Variants in SUPV3L1 observed in about 807,000 individuals in gnomAD.
SUPV3L1 encodes Suv3 like RNA helicase.
A neutral mutation model predicts 70.0 loss-of-function variants in SUPV3L1; 35 were observed. That is an observed-to-expected ratio of 0.50 (90% CI 0.38 to 0.66). The LOEUF (loss-of-function observed/expected upper bound fraction) is 0.66, where lower values mean the gene tolerates loss of function less well. SUPV3L1 is among the 30% of genes least tolerant of loss of function. SUPV3L1 has a pLI of 0.00. For synonymous variants in SUPV3L1, 364 were observed against 341.9 expected, an observed-to-expected ratio of 1.06 and a Z score of -0.71; for missense variants, 777 against 961.5, an observed-to-expected ratio of 0.81 and a Z score of 2.54.
intron 1 of SUPV3L1, chr10:69,182,608 T>C: frequency 1.3e-5 from 13 of 985,458 alleles, no homozygotes; most frequent in Non-Finnish European, 1.4e-5. Flanking sequence ...CACTAGATTT[T>C]CTTCTGGTGG....
At chr10:69,183,882 C>CTTT (rs11375472) in intron 1 of SUPV3L1, among the ~76,000 whole-genome samples, 9 of 143,946 alleles carry the variant, frequency 6.3e-5, no homozygotes, top group African/African-American at 2.0e-4. Context: ...TCCCCAGTGT[C>CTTT]TTTTTTTTTT....
intron 1 of SUPV3L1, among the ~76,000 whole-genome samples, chr10:69,185,664 G>GC (rs1842203141): frequency 6.6e-6 from 1 of 152,026 alleles, no homozygotes; most frequent in Non-Finnish European, 1.5e-5. Context: ...AACAGGCCCA[G>GC]CTAATTTTTG....
intron 5 of SUPV3L1, among the ~76,000 whole-genome samples, chr10:69,189,880 T>TCGTGA (rs1479834366): frequency 6.6e-6 from 1 of 152,118 alleles, no homozygotes; most frequent in East Asian, 1.9e-4. Flanking sequence ...TCTCCTGACC[T>TCGTGA]CGTGATCTGC....
intron 12 of SUPV3L1, 117 bp downstream of exon 12, chr10:69,202,636 AT>A: frequency 8.4e-7 from 1 of 1,187,960 alleles, no homozygotes; most frequent in African/African-American, 1.6e-5. Context: ...TATTTATAAA[AT>A]TTATTTTACA....
chr10:69,195,653 T>C lies in SUPV3L1; in HGVS notation c.931+388T>C, dbSNP rs118055445. 6.3e-4 allele frequency among the ~76,000 whole-genome samples: 96 copies of C among 152,316 alleles called. 2 individuals are homozygous for C. The East Asian group carries it at 0.015, about 23-fold the overall frequency. On this transcript the variant is annotated intron_variant, in intron 7 of 14. Transcript: ENST00000359655. The stretch of plus-strand genomic sequence containing the variant: ...TTATGTATTAATATGATCGCATATC[T>C]CTATTGAAGGGCAATACTGTAATTT...
At chr10:69,199,666 A>G (rs548087696) in intron 10 of SUPV3L1, among the ~76,000 whole-genome samples, 3 of 152,056 alleles carry the variant, frequency 2.0e-5, no homozygotes, top group Admixed American at 6.6e-5. Flanking sequence ...TACAGGCATG[A>G]GCCACTACAC....
At chr10:69,197,789 G>A (rs1397575656) in intron 8 of SUPV3L1, among the ~76,000 whole-genome samples, 4 of 152,034 alleles carry the variant, frequency 2.6e-5, no homozygotes, top group African/African-American at 7.3e-5. Flanking sequence ...GGCTGGTCTC[G>A]AACTCCAGTG....
At position 69,204,924 on chromosome 10, in the gene SUPV3L1, C is replaced by T. The variant is rs199572350; in HGVS notation, c.1776+1881C>T. 1.7e-4 allele frequency among the ~76,000 whole-genome samples: 26 copies of T among 152,166 alleles called. 1 individual carries two copies. In the East Asian group the frequency reaches 5.0e-3, roughly 29 times the overall value. ...GAGTATCTGGGATTACAGGCATGTG[C>T]CATGCCTGGCTAATTTTTGTATATT... On this transcript the variant is annotated intron_variant, in intron 13 of 14. Transcript: ENST00000359655.
At position 69,209,036 on chromosome 10, in the gene SUPV3L1, T is replaced by G. The variant is rs746391264; in HGVS notation, c.*1T>G. On this transcript the variant is annotated 3_prime_UTR_variant, in exon 15 of 15. Transcript: ENST00000359655. The stretch of plus-strand genomic sequence containing the variant: ...GAAGAAGGAACCTGATTCGGACTAG[T>G]TTTCTGTTCCTGTTTTTTTTTTTTT... 6.5e-7 allele frequency: 1 copy of G among 1,538,854 alleles called. No homozygotes were observed. The highest frequency in any genetic ancestry group is 8.7e-7 in the Non-Finnish European group (1 of 1,146,732).
chr10:69,202,625 C>G lies in SUPV3L1; in HGVS notation c.1599+106C>G, dbSNP rs2279928. 676,284 of 1,204,224 alleles carry G rather than the reference C, an allele frequency of 0.56. 197,652 individuals are homozygous for G. The highest frequency in any genetic ancestry group is 0.73 in the Middle Eastern group (3,650 of 5,032). 74.6% of individuals were successfully genotyped at this position (1,204,224 alleles called of 1,614,324 possible). A position where few individuals can be genotyped will look rare whatever the true frequency, so the allele number is the denominator to read the frequency against. On this transcript the variant is annotated intron_variant, in intron 12 of 14. Transcript: ENST00000359655. ...TGGATAGTCTGCCTTTGAGAAGTTG[C>G]TATTTATAAAATTTATTTTACAAGT...
chr10:69,187,690 T>C lies in SUPV3L1; in HGVS notation c.506T>C (p.Ile169Thr). The change falls in exon 4 of 15, where the codon ATA (isoleucine) becomes ACA (threonine). Residue 169 changes from isoleucine to threonine, a missense_variant. This residue lies in a region of SUPV3L1 where 619 missense variants were observed against 823.3 expected (regional missense o/e 0.75). Transcript: ENST00000359655. Reference protein sequence around the residue: ...FPFFLRHAKQIFPVLDCKDDL... With the variant: ...FPFFLRHAKQTFPVLDCKDDL... ...TTTTTCTTGAGACATGCCAAACAAA[T>C]ATTTCCTGTGTTGGACTGTAAGGAT... is the stretch of plus-strand genomic sequence containing the variant. 2.5e-6 allele frequency: 4 copies of C among 1,613,366 alleles called. No homozygotes were observed. Among genetic ancestry groups the C allele is most frequent in the Non-Finnish European group, 2.5e-6 (3 of 1,179,810 alleles).
chr10:69,191,752 G>A lies in SUPV3L1; in HGVS notation c.839G>A (p.Ser280Asn). 6.2e-7 allele frequency: 1 copy of A among 1,612,252 alleles called. No homozygotes were observed. Among genetic ancestry groups the A allele is most frequent in the African/African-American group, 1.3e-5 (1 of 74,934 alleles). Residue 280 changes from serine (S) to asparagine (N), a missense_variant, in exon 6 of 15, where the codon AGT becomes AAT. Ser to Asn is a conservative substitution (Grantham distance 46). This residue lies in a region of SUPV3L1 where 619 missense variants were observed against 823.3 expected (regional missense o/e 0.75). Transcript: ENST00000359655. ...SHVSCTVEMCSVTTPYEVAVI... is the reference protein window; with the variant it reads ...SHVSCTVEMCNVTTPYEVAVI... ...GTTTCTTGTACAGTTGAGATGTGCA[G>A]TGTTACAACTCCTTGTATGTATATG...
At chr10:69,180,624 G>C in intron 1 of SUPV3L1, 62 bp downstream of exon 1, 1 of 1,586,990 alleles carries the variant, frequency 6.3e-7, no homozygotes, top group Admixed American at 1.7e-5. Context: ...GGCTGGTTGG[G>C]AGGAAGCTAC....
At chr10:69,189,175 G>A in intron 4 of SUPV3L1, 92 bp from the exon 5 acceptor site, 1 of 1,342,640 alleles carries the variant, frequency 7.4e-7, no homozygotes, top group Non-Finnish European at 1.0e-6. Flanking sequence ...ACATTAAGAG[G>A]ATATTTCATT....
intron 1 of SUPV3L1, 117 bp from the exon 2 acceptor site, chr10:69,185,870 G>T: frequency 1.3e-6 from 1 of 778,900 alleles, no homozygotes; most frequent in Non-Finnish European, 2.2e-6. Flanking sequence ...AAACCTTCTA[G>T]TTCTTGCAAC....
chr10:69,191,778 C>T lies in SUPV3L1; in HGVS notation c.853+12C>T, dbSNP rs1402314965. The T allele has an allele frequency of 7.6e-6, 12 of 1,580,306 alleles. No individual in the cohort carries two copies. Among genetic ancestry groups the T allele is most frequent in the Non-Finnish European group, 1.0e-5 (12 of 1,153,744 alleles). On this transcript the variant is annotated intron_variant, in intron 6 of 14. Coordinates refer to ENST00000359655, the MANE Select transcript of SUPV3L1 (RefSeq NM_003171.5). Reference sequence around the variant, plus strand: ...TGTTACAACTCCTTGTATGTATATGCTGTTTAAGAAACTATGGTTTGGTAT... The same window carrying T: ...TGTTACAACTCCTTGTATGTATATGTTGTTTAAGAAACTATGGTTTGGTAT...
intron 4 of SUPV3L1, among the ~76,000 whole-genome samples, chr10:69,188,047 G>A (rs1011200612): frequency 2.6e-5 from 4 of 152,078 alleles, no homozygotes; most frequent in Non-Finnish European, 5.9e-5. Context: ...TTAGCTGAGC[G>A]CCTGGGTGTT....
intron 13 of SUPV3L1, among the ~76,000 whole-genome samples, chr10:69,206,928 AC>A (rs1321715275): frequency 6.6e-6 from 1 of 152,126 alleles, no homozygotes; most frequent in Non-Finnish European, 1.5e-5. Context: ...AATCACTTGA[AC>A]CCAGGAGGCG....
chr10:69,197,274 A>G (rs1242552252), intron 8 of SUPV3L1, among the ~76,000 whole-genome samples, 191 bp downstream of exon 8: 1 of 152,232 alleles, frequency 6.6e-6, no homozygotes, highest in African/African-American at 2.4e-5. Context: ...CAGAGTGGTC[A>G]TCACACCCTA....
Sources: gnomAD v4.1 joint callset for allele counts (sites outside exome capture counted in the v4.1 genomes callset) on GRCh38, gnomAD v4.1.1 for gene constraint, gnomAD v4.1.1 regional missense constraint, MANE v1.5 for transcripts, NCBI Gene and HGNC (gene_info 2026-07-23, HGNC 2026-07-21) for gene names.